Variants in SMIM43 observed in about 807,000 individuals in gnomAD.
SMIM43 encodes the protein small integral membrane protein 43, also known as Nodal Enhanced MEsendoderm Peptide.
At position 121,761,660 on chromosome 4, in the gene SMIM43, A is replaced by T; in HGVS notation, c.*377T>A. 1 of 1,613,636 alleles carries T rather than the reference A, an allele frequency of 6.2e-7. No individual in the cohort carries two copies. On this transcript the variant is annotated 3_prime_UTR_variant, in exon 5 of 6. Transcript: ENST00000643802. ...TTTCTCTCTTATTCTGTAGAATCGC[A>T]CCAGATGGCATCAGTTCTGCATCTA...
intron 1 of SMIM43, chr4:121,764,168 G>A (rs946481745): frequency 6.6e-6 from 1 of 152,204 alleles, no homozygotes; most frequent in Non-Finnish European, 1.5e-5. Context: ...GACTCTCACT[G>A]TAACGTTCAC....
upstream of SMIM43, chr4:121,765,167 G>A: frequency 2.5e-6 from 1 of 392,272 alleles, no homozygotes; most frequent in Non-Finnish European, 4.5e-6. Flanking sequence ...TGGAGGGCGA[G>A]CGCGCCGCCC....
Position 121,761,910 on chromosome 4 carries a change from T to C in SMIM43, c.*279-18A>G, listed in dbSNP as rs373251751. 1.3e-6 allele frequency: 2 copies of C among 1,575,094 alleles called. No individual in the cohort carries two copies. Among genetic ancestry groups the C allele is most frequent in the African/African-American group, 2.7e-5 (2 of 73,628 alleles). Reference sequence around the variant, plus strand: ...TTGAACACCTGAAATTTAGAAACAATGATGAAATAATAACATTTGAAATAA... The same window carrying C: ...TTGAACACCTGAAATTTAGAAACAACGATGAAATAATAACATTTGAAATAA... On this transcript the variant is annotated intron_variant, in intron 3 of 5. Transcript: ENST00000643802.
At chr4:121,761,484 T>G in intron 5 of SMIM43, 54 bp downstream of exon 5, 3 of 1,504,070 alleles carry the variant, frequency 2.0e-6, no homozygotes, top group Non-Finnish European at 2.7e-6. Context: ...ATAGACAAAA[T>G]TGGAAATATA....
chr4:121,760,564 C>T, intron 5 of SMIM43, 90 bp from the exon 6 acceptor site: 1 of 1,435,992 alleles, frequency 7.0e-7, no homozygotes. Context: ...AGCTGCCTGC[C>T]TCTAACCTCC....
rs1010550068 is a variant in SMIM43, at chr4:121,763,881, A to G, written c.*98-9T>C. The G allele has an allele frequency of 6.6e-6, 1 of 152,178 alleles. No individual in the cohort carries two copies. The highest frequency in any genetic ancestry group is 1.5e-5 in the Non-Finnish European group (1 of 68,036). 9.4% of individuals were successfully genotyped at this position (152,178 alleles called of 1,614,324 possible). A position where few individuals can be genotyped will look rare whatever the true frequency, so the allele number is the denominator to read the frequency against. ...AGGGCAGCAGCTCGGCTCTAGAAAGAGAGATGACATAAATCTAGGGAAAAG... is the reference window on the plus strand; with the variant it reads ...AGGGCAGCAGCTCGGCTCTAGAAAGGGAGATGACATAAATCTAGGGAAAAG... On this transcript the variant is annotated splice_polypyrimidine_tract_variant and intron_variant, in intron 1 of 5. Transcript: ENST00000643802.
chr4:121,759,506 A>G lies in SMIM43; in HGVS notation c.*1468T>C, dbSNP rs976522519. 1.2e-4 allele frequency: 19 copies of G among 152,234 alleles called. No homozygotes were observed. Among genetic ancestry groups the G allele is most frequent in the African/African-American group, 4.6e-4 (19 of 41,464 alleles). The allele number at this position is 152,234 out of a possible 1,614,324, so 9.4% of individuals were successfully genotyped here. On this transcript the variant is annotated 3_prime_UTR_variant, in exon 6 of 6. Transcript: ENST00000643802. ...AACAAAATTTAAATTTTCCTTCCTC[A>G]GTCACACTAGCCACATTTCAAGTGT...
In SMIM43 at chr4:121,759,627, T is replaced by C. The variant is rs547959589; in HGVS notation, c.*1347A>G. 1 of 152,288 alleles carries C rather than the reference T, an allele frequency of 6.6e-6. No homozygotes were observed. Among genetic ancestry groups the C allele is most frequent in the African/African-American group, 2.4e-5 (1 of 41,542 alleles). 9.4% of individuals were successfully genotyped at this position (152,288 alleles called of 1,614,324 possible). On this transcript the variant is annotated 3_prime_UTR_variant, in exon 6 of 6. Transcript: ENST00000643802. ...GAAAGTTCTTTTAGACAGCCCTAGATGTGGGAAGTGTTTCTTCTTTGCTTA... is the reference window on the plus strand; with the variant it reads ...GAAAGTTCTTTTAGACAGCCCTAGACGTGGGAAGTGTTTCTTCTTTGCTTA...
chr4:121,761,307 A>C (rs1368523876), intron 5 of SMIM43, among the ~76,000 whole-genome samples: 1 of 151,486 alleles, frequency 6.6e-6, no homozygotes, highest in Non-Finnish European at 1.5e-5. Context: ...CTGTGTAGAT[A>C]CCTTATGCAT....
chr4:121,760,338 C>T lies in SMIM43; in HGVS notation c.*636G>A, dbSNP rs1256510890. On this transcript the variant is annotated 3_prime_UTR_variant, in exon 6 of 6. Coordinates refer to ENST00000643802, the MANE Select transcript of SMIM43 (RefSeq NM_001384332.1). ...GCAGTAGCCAATGACACAGTTCTGG[C>T]CAATGAGATGAAGGCAAAAGTTATT... 3.1e-6 allele frequency: 5 copies of T among 1,613,674 alleles called. No homozygotes were observed. The African/African-American group carries it at 4.0e-5, about 13-fold the overall frequency.
rs1417508184 is a variant in SMIM43, at chr4:121,761,882, A to G, written c.*289T>C. The G allele has an allele frequency of 7.5e-6, 12 of 1,608,212 alleles. No homozygotes were observed. The highest frequency in any genetic ancestry group is 1.0e-5 in the Non-Finnish European group (12 of 1,178,068). On this transcript the variant is annotated 3_prime_UTR_variant, in exon 4 of 6. Transcript: ENST00000643802. Reference sequence around the variant, plus strand: ...GATTGTCCTGATAAGATCTGAAGCCATTTTGAACACCTGAAATTTAGAAAC... The same window carrying G: ...GATTGTCCTGATAAGATCTGAAGCCGTTTTGAACACCTGAAATTTAGAAAC...
At chr4:121,764,644 C>A in intron 1 of SMIM43, 173 bp downstream of exon 1, 1 of 360,974 alleles carries the variant, frequency 2.8e-6, no homozygotes, top group Non-Finnish European at 4.9e-6. Context: ...CTCTCCCAGC[C>A]CTGGAACAGC....
At chr4:121,764,631 C>T in intron 1 of SMIM43, 186 bp downstream of exon 1, 1 of 345,938 alleles carries the variant, frequency 2.9e-6, no homozygotes, top group Non-Finnish European at 5.2e-6. Flanking sequence ...CTCTTTTCGC[C>T]ATCTCTCCCA....
chr4:121,765,134 G>C lies in SMIM43; in HGVS notation c.-29C>G, dbSNP rs921459485. On this transcript the variant is annotated 5_prime_UTR_variant, in exon 1 of 6. Transcript: ENST00000643802. ...GGAGGCGCCGGCGCTCGCTGGCCCT[G>C]CGCGCTCGGCGCGGGCTGCAGCTGG... 1 of 395,550 alleles carries C rather than the reference G, an allele frequency of 2.5e-6. No homozygotes were observed. The highest frequency in any genetic ancestry group is 2.1e-5 in the African/African-American group (1 of 48,434). The allele number at this position is 395,550 out of a possible 1,614,324, so 24.5% of individuals were successfully genotyped here.
Position 121,765,154 on chromosome 4 carries a change from A to C in SMIM43, c.-49T>G. On this transcript the variant is annotated 5_prime_UTR_variant, in exon 1 of 6. Coordinates refer to ENST00000643802, the MANE Select transcript of SMIM43 (RefSeq NM_001384332.1). ...GCCCTGCGCGCTCGGCGCGGGCTGCAGCTGGAGGGCGAGCGCGCCGCCCGC... is the reference window on the plus strand; with the variant it reads ...GCCCTGCGCGCTCGGCGCGGGCTGCCGCTGGAGGGCGAGCGCGCCGCCCGC... 1 of 394,194 alleles carries C rather than the reference A, an allele frequency of 2.5e-6. No homozygotes were observed. Among genetic ancestry groups the C allele is most frequent in the Non-Finnish European group, 4.5e-6 (1 of 223,124 alleles). The allele number at this position is 394,194 out of a possible 1,614,324, so 24.4% of individuals were successfully genotyped here.
Position 121,764,908 on chromosome 4 carries a change from C to T in SMIM43, c.*6G>A. On this transcript the variant is annotated 3_prime_UTR_variant, in exon 1 of 6. Coordinates refer to ENST00000643802, the MANE Select transcript of SMIM43 (RefSeq NM_001384332.1). ...CGGTGCCCTCCCGCCAGTGCCCGCACTCGGGTCACACCGCTTGCTCTCGGG... is the reference window on the plus strand; with the variant it reads ...CGGTGCCCTCCCGCCAGTGCCCGCATTCGGGTCACACCGCTTGCTCTCGGG... The T allele has an allele frequency of 2.5e-6, 1 of 398,382 alleles. No individual in the cohort carries two copies. The highest frequency in any genetic ancestry group is 4.4e-6 in the Non-Finnish European group (1 of 225,600). 24.7% of individuals were successfully genotyped at this position (398,382 alleles called of 1,614,324 possible).
At chr4:121,764,122 G>T (rs370083457) in intron 1 of SMIM43, 1 of 152,198 alleles carries the variant, frequency 6.6e-6, no homozygotes, top group Non-Finnish European at 1.5e-5. Flanking sequence ...CACCCAAAAG[G>T]TCACGTACCG....
In SMIM43 at chr4:121,763,884, G is replaced by T. The variant is rs1244146865; in HGVS notation, c.*98-12C>A. On this transcript the variant is annotated splice_polypyrimidine_tract_variant and intron_variant, in intron 1 of 5. Transcript: ENST00000643802. ...GCAGCAGCTCGGCTCTAGAAAGAGA[G>T]ATGACATAAATCTAGGGAAAAGCTA... 1 of 152,166 alleles carries T rather than the reference G, an allele frequency of 6.6e-6. No individual in the cohort carries two copies. The highest frequency in any genetic ancestry group is 1.5e-5 in the Non-Finnish European group (1 of 68,044). 9.4% of individuals were successfully genotyped at this position (152,166 alleles called of 1,614,324 possible). A position where few individuals can be genotyped will look rare whatever the true frequency, so the allele number is the denominator to read the frequency against.
rs1726141458 is a variant in SMIM43, at chr4:121,762,812, AG to A, written c.*207-15del. On this transcript the variant is annotated splice_polypyrimidine_tract_variant and intron_variant, in intron 2 of 5. Coordinates refer to ENST00000643802, the MANE Select transcript of SMIM43 (RefSeq NM_001384332.1). ...CCAGTGGTGCTGCTAGGAAGATTAA[AG>A]GATTGTAAACTCAAGAAGGCAAGCA... 6.6e-6 allele frequency: 1 copy of A among 152,220 alleles called. No individual in the cohort carries two copies. Among genetic ancestry groups the A allele is most frequent in the Non-Finnish European group, 1.5e-5 (1 of 68,028 alleles). 9.4% of individuals were successfully genotyped at this position (152,220 alleles called of 1,614,324 possible).
Sources: allele counts gnomAD v4.1 joint callset (sites outside exome capture counted in the v4.1 genomes callset), GRCh38; gene constraint gnomAD v4.1.1; transcripts MANE v1.5; gene names NCBI Gene and HGNC (gene_info 2026-07-23, HGNC 2026-07-21).